ERC2: variants seen among roughly 807,000 people sequenced by gnomAD.
ERC2 encodes ERC protein 2.
Under a neutral mutation model 114.8 loss-of-function variants are expected in ERC2, and 42 were observed. That is an observed-to-expected ratio of 0.37 (90% CI 0.29 to 0.47). The LOEUF (loss-of-function observed/expected upper bound fraction) is 0.47. ERC2 is among the 20% of genes least tolerant of loss of function. The pLI is 0.99. For synonymous variants in ERC2, 454 were observed against 425.5 expected, an observed-to-expected ratio of 1.07 and a Z score of -0.82; for missense variants, 939 against 1,150.7, an observed-to-expected ratio of 0.82 and a Z score of 2.66.
intron 14 of ERC2, among the ~76,000 whole-genome samples, chr3:55,818,255 C>T (rs56384654): frequency 0.024 from 3,610 of 152,286 alleles, 54 homozygotes; most frequent in South Asian, 0.038. Context: ...ACAGCCAAAT[C>T]AGCCTAGTCC....
intron 2 of ERC2, among the ~76,000 whole-genome samples, chr3:56,305,258 G>A (rs2056141906): frequency 6.6e-6 from 1 of 151,980 alleles, no homozygotes; most frequent in African/African-American, 2.4e-5. Flanking sequence ...ACAGTTGAGA[G>A]ATGATGCTTG....
chr3:55,984,426 T>C (rs1295714185), intron 12 of ERC2, among the ~76,000 whole-genome samples: 2 of 152,080 alleles, frequency 1.3e-5, no homozygotes, highest in Non-Finnish European at 2.9e-5. Flanking sequence ...GGATCTCAAG[T>C]GCTTCAATAT....
chr3:56,014,095 C>T (rs528830917), intron 8 of ERC2, among the ~76,000 whole-genome samples: 9 of 132,528 alleles, frequency 6.8e-5, no homozygotes, highest in East Asian at 4.2e-4. Context: ...TTCTTCATCG[C>T]TATGAAAAGT....
intron 17 of ERC2, among the ~76,000 whole-genome samples, chr3:55,668,112 C>A (rs1001677395): frequency 1.3e-5 from 2 of 152,044 alleles, no homozygotes; most frequent in Non-Finnish European, 2.9e-5. Context: ...ATATATAATG[C>A]ATAATAAATT....
intron 16 of ERC2, among the ~76,000 whole-genome samples, chr3:55,685,222 C>T (rs889405593): frequency 2.0e-5 from 3 of 152,118 alleles, no homozygotes; most frequent in South Asian, 2.1e-4. Flanking sequence ...AAGGGATCCA[C>T]GGCCCACGAA....
intron 2 of ERC2, among the ~76,000 whole-genome samples, chr3:56,412,675 CGA>C (rs2060988259): frequency 6.6e-6 from 1 of 152,110 alleles, no homozygotes; most frequent in Non-Finnish European, 1.5e-5. Context: ...ATGTTTGGCA[CGA>C]TTTGTGAGCT....
chr3:55,814,351 A>G (rs1394486814), intron 14 of ERC2, among the ~76,000 whole-genome samples: 2 of 152,222 alleles, frequency 1.3e-5, no homozygotes, highest in Admixed American at 1.3e-4. Context: ...GCAGGTAAGA[A>G]AACCAAGACG....
chr3:56,018,424 T>C (rs1166953211), intron 8 of ERC2, among the ~76,000 whole-genome samples: 1 of 152,072 alleles, frequency 6.6e-6, no homozygotes, highest in Non-Finnish European at 1.5e-5. Flanking sequence ...GGGAATAGCA[T>C]CTGAGGCAGG....
chr3:55,735,293 T>C (rs1224973382), intron 14 of ERC2, among the ~76,000 whole-genome samples: 1 of 152,240 alleles, frequency 6.6e-6, no homozygotes, highest in Non-Finnish European at 1.5e-5. Context: ...CAAAGTAATG[T>C]CTGAGACTGC....
chr3:55,630,912 T>C (rs1442949848), intron 17 of ERC2, among the ~76,000 whole-genome samples: 3 of 148,072 alleles, frequency 2.0e-5, no homozygotes, highest in Admixed American at 2.0e-4. Context: ...TCACGTAACA[T>C]AAAAATAAGA....
At chr3:56,413,380 T>C (rs978372926) in intron 2 of ERC2, among the ~76,000 whole-genome samples, 1 of 152,222 alleles carries the variant, frequency 6.6e-6, no homozygotes, top group African/African-American at 2.4e-5. Context: ...CTTGCTAACC[T>C]GATCTCCCCC....
chr3:55,817,600 T>C (rs951210764), intron 14 of ERC2, among the ~76,000 whole-genome samples: 11 of 152,220 alleles, frequency 7.2e-5, no homozygotes, highest in African/African-American at 2.2e-4. Context: ...CAAACCTCGG[T>C]TGAGGCACTA....
At chr3:55,828,879 C>T (rs979873539) in intron 14 of ERC2, among the ~76,000 whole-genome samples, 1 of 152,194 alleles carries the variant, frequency 6.6e-6, no homozygotes, top group African/African-American at 2.4e-5. Context: ...TGGCTCATGC[C>T]TATAATCCCA....
chr3:56,235,678 A>G (rs2050895650), intron 3 of ERC2, among the ~76,000 whole-genome samples: 1 of 152,198 alleles, frequency 6.6e-6, no homozygotes, highest in Admixed American at 6.5e-5. Context: ...ATAGACCTGC[A>G]AAGTCCAATG....
chr3:55,759,562 GACTAA>G (rs1235991687), intron 14 of ERC2, among the ~76,000 whole-genome samples: 2 of 127,552 alleles, frequency 1.6e-5, no homozygotes, highest in African/African-American at 5.8e-5. Context: ...AAGGACGAAA[GACTAA>G]ACAACAACAA....
intron 1 of ERC2, among the ~76,000 whole-genome samples, chr3:56,461,786 C>CAGCT (rs2063330298): frequency 6.6e-6 from 1 of 152,152 alleles, no homozygotes; most frequent in Non-Finnish European, 1.5e-5. Context: ...ATTTCCAGAA[C>CAGCT]AGCTCTGCTT....
At chr3:55,543,785 T>C (rs1182877) in intron 17 of ERC2, among the ~76,000 whole-genome samples, 53,022 of 152,012 alleles carry the variant, frequency 0.35, 11,229 homozygotes, top group East Asian at 0.72. Context: ...TGCTTCTCTC[T>C]ACGTCCCTCT....
intron 7 of ERC2, among the ~76,000 whole-genome samples, chr3:56,064,715 C>T (rs1279656002): frequency 6.6e-6 from 1 of 152,192 alleles, no homozygotes; most frequent in Non-Finnish European, 1.5e-5. Flanking sequence ...CTTTTAAAAT[C>T]TCAAACTTGC....
chr3:56,095,292 T>C (rs2078003433), intron 6 of ERC2, among the ~76,000 whole-genome samples: 1 of 152,090 alleles, frequency 6.6e-6, no homozygotes, highest in Non-Finnish European at 1.5e-5. Flanking sequence ...TGGGGGCCCT[T>C]CTTTTTATTC....
Sources: gnomAD v4.1 joint callset for allele counts (sites outside exome capture counted in the v4.1 genomes callset) on GRCh38, gnomAD v4.1.1 for gene constraint, MANE v1.5 for transcripts, NCBI Gene and HGNC (gene_info 2026-07-23, HGNC 2026-07-21) for gene names.